Variants in NEDD4 observed in about 807,000 individuals in gnomAD.
NEDD4 encodes E3 ubiquitin-protein ligase NEDD4.
Under a neutral mutation model 144.9 loss-of-function variants are expected in NEDD4, and 99 were observed. The observed-to-expected ratio is 0.68, with a 90% CI of 0.58 to 0.81. The LOEUF is 0.81. Among genes scored for constraint, NEDD4 ranks in the 30% least tolerant of loss-of-function variants. The probability of loss-of-function intolerance (pLI) is 0.00; values close to 1 mark genes in which losing one functional copy is unlikely to be tolerated. For missense variants in NEDD4, 985 were observed against 1,065.9 expected (o/e 0.92, Z 1.06); for synonymous variants, 318 against 350.6 (o/e 0.91, Z 1.04).
intron 4 of NEDD4, among the ~76,000 whole-genome samples, chr15:55,928,182 G>A (rs1012943199): frequency 1.3e-5 from 2 of 152,022 alleles, no homozygotes; most frequent in East Asian, 1.9e-4. Context: ...GCTAATTTTT[G>A]TATTTTTTTA....
chr15:55,916,781 G>T (rs745716311), intron 5 of NEDD4: 1 of 1,612,922 alleles, frequency 6.2e-7, no homozygotes, highest in Non-Finnish European at 8.5e-7. Flanking sequence ...CTGACAAAGG[G>T]TAAGTATTGC....
chr15:55,942,336 C>T (rs2037022947), intron 4 of NEDD4, among the ~76,000 whole-genome samples: 1 of 152,082 alleles, frequency 6.6e-6, no homozygotes, highest in South Asian at 2.1e-4. Context: ...TATGGTATCT[C>T]ATATGGTTTG....
At chr15:55,966,673 A>C (rs2037518302) in intron 1 of NEDD4, 127 bp from the exon 2 acceptor site, 4 of 445,952 alleles carry the variant, frequency 9.0e-6, no homozygotes, top group Non-Finnish European at 7.7e-6. Context: ...CTTTTTCAAT[A>C]ATTAATTTTA....
intron 1 of NEDD4, among the ~76,000 whole-genome samples, chr15:55,979,376 T>C (rs1441665243): frequency 8.1e-6 from 1 of 123,512 alleles, no homozygotes; most frequent in Non-Finnish European, 1.6e-5. Flanking sequence ...AGACGGAGTC[T>C]CGCTCTGTCG....
intron 5 of NEDD4, among the ~76,000 whole-genome samples, chr15:55,910,997 G>A (rs919755268): frequency 2.6e-5 from 4 of 151,944 alleles, no homozygotes; most frequent in African/African-American, 7.3e-5. Flanking sequence ...AGGCCTAATC[G>A]GACTCTGACC....
At chr15:55,870,795 A>G (rs1359227614) in intron 7 of NEDD4, among the ~76,000 whole-genome samples, 3 of 152,052 alleles carry the variant, frequency 2.0e-5, no homozygotes, top group African/African-American at 7.2e-5. Context: ...TAAGCCTCCC[A>G]AAGTGCTACA....
intron 21 of NEDD4, 72 bp downstream of exon 21, chr15:55,840,375 G>C (rs541709004): frequency 7.4e-7 from 1 of 1,352,782 alleles, no homozygotes; most frequent in Non-Finnish European, 1.0e-6. Context: ...GTCATTAAAA[G>C]CAAATTCTTC....
intron 2 of NEDD4, among the ~76,000 whole-genome samples, chr15:55,961,015 A>G (rs992251486): frequency 3.9e-5 from 6 of 152,184 alleles, no homozygotes; most frequent in South Asian, 4.1e-4. Flanking sequence ...GTCTCACCTG[A>G]CTGATACACT....
chr15:55,991,773 C>A (rs1303738048), intron 1 of NEDD4, among the ~76,000 whole-genome samples: 1 of 152,148 alleles, frequency 6.6e-6, no homozygotes, highest in African/African-American at 2.4e-5. Flanking sequence ...GGCCTTTGGC[C>A]CCAGTTCCTT....
intron 4 of NEDD4, among the ~76,000 whole-genome samples, chr15:55,925,610 A>G (rs2036647436): frequency 6.6e-6 from 1 of 152,220 alleles, no homozygotes; most frequent in South Asian, 2.1e-4. Context: ...CAAAATAAAA[A>G]TCGCCTACTA....
chr15:55,984,065 C>G (rs1284327007), intron 1 of NEDD4, among the ~76,000 whole-genome samples: 2 of 152,106 alleles, frequency 1.3e-5, no homozygotes, highest in Admixed American at 1.3e-4. Flanking sequence ...ACCCACGTGC[C>G]TGATACATAG....
At chr15:55,932,314 A>C (rs2036797548) in intron 4 of NEDD4, among the ~76,000 whole-genome samples, 1 of 152,242 alleles carries the variant, frequency 6.6e-6, no homozygotes, top group African/African-American at 2.4e-5. Flanking sequence ...CTGGTACCAA[A>C]ACAGAGATAT....
intron 5 of NEDD4, chr15:55,916,662 G>A (rs2036458240): frequency 6.2e-7 from 1 of 1,613,990 alleles, no homozygotes; most frequent in Non-Finnish European, 8.5e-7. Flanking sequence ...CGGAGCTAGT[G>A]CAGTCTGTCT....
chr15:55,915,509 T>G, intron 5 of NEDD4: 1 of 1,613,876 alleles, frequency 6.2e-7, no homozygotes, highest in Non-Finnish European at 8.5e-7. Flanking sequence ...GTGAATGTGG[T>G]CTTTCCAATT....
Position 55,842,877 on chromosome 15 carries a change from T to C in NEDD4, c.1609-714A>G, listed in dbSNP as rs374196076. On this transcript the variant is annotated intron_variant, in intron 18 of 28. Transcript: ENST00000435532. ...CTATCTTGCTTCACTCATTAACAGA[T>C]GGTGACATTTACAGACTGTGCCAGT... Among the ~76,000 whole-genome samples, 7 of 152,228 alleles carry C rather than the reference T, an allele frequency of 4.6e-5. No individual in the cohort carries two copies. The East Asian group carries it at 9.6e-4, about 21-fold the overall frequency.
chr15:55,925,733 G>C (rs1198245102), intron 4 of NEDD4, among the ~76,000 whole-genome samples: 2 of 152,146 alleles, frequency 1.3e-5, no homozygotes, highest in African/African-American at 4.8e-5. Flanking sequence ...CTAACTCAGT[G>C]TCTACTTTTC....
rs2032868595 is a variant in NEDD4, at chr15:55,830,006, GAACA to G, written c.2601-11_2601-8del. On this transcript the variant is annotated splice_region_variant and splice_polypyrimidine_tract_variant and intron_variant, in intron 28 of 28. Transcript: ENST00000435532. The stretch of plus-strand genomic sequence containing the variant: ...CAAGTCCAGGCGATTAAAACTGAAA[GAACA>G]GAGAGGAAGTGGTTATGAAAGACAC... 2.5e-6 allele frequency: 4 copies of G among 1,599,644 alleles called. No homozygotes were observed. In the South Asian group the frequency reaches 4.5e-5, roughly 18 times the overall value.
At chr15:55,843,054 G>A (rs1275044453) in intron 18 of NEDD4, among the ~76,000 whole-genome samples, 2 of 152,196 alleles carry the variant, frequency 1.3e-5, no homozygotes, top group South Asian at 2.1e-4. Flanking sequence ...TGGGTCTCAC[G>A]ACATCTAATG....
At chr15:55,915,214 A>G (rs1480819737) in intron 5 of NEDD4, 2 of 1,396,528 alleles carry the variant, frequency 1.4e-6, no homozygotes, top group Admixed American at 2.5e-5. Context: ...GTTACAATAA[A>G]TGTTCTCCAA....
Sources: gnomAD v4.1 joint callset for allele counts (sites outside exome capture counted in the v4.1 genomes callset) on GRCh38, gnomAD v4.1.1 for gene constraint, MANE v1.5 for transcripts, NCBI Gene and HGNC (gene_info 2026-07-23, HGNC 2026-07-21) for gene names.